The following NRXN1 variants were observed in gnomAD, a reference collection of about 807,000 sequenced individuals.
The protein encoded by NRXN1 is neurexin-1.
In NRXN1, 39 loss-of-function variants were observed where a neutral mutation model predicts 150.9. That is an observed-to-expected ratio of 0.26 (90% CI 0.20 to 0.34). The LOEUF (loss-of-function observed/expected upper bound fraction) is 0.34, where lower values mean the gene tolerates loss of function less well. NRXN1 is among the 10% of genes least tolerant of loss of function. The pLI is 1.00. For missense variants in NRXN1, 1,815 were observed against 1,949.9 expected, an observed-to-expected ratio of 0.93 and a Z score of 1.30; for synonymous variants, 924 against 757.0, an observed-to-expected ratio of 1.22 and a Z score of -3.62.
intron 19 of NRXN1, among the ~76,000 whole-genome samples, chr2:50,085,700 T>A (rs1372395091): frequency 7.4e-6 from 1 of 134,388 alleles, no homozygotes; most frequent in Non-Finnish European, 1.6e-5. Flanking sequence ...ATAAATTCTA[T>A]GGTTATTATA....
At chr2:50,193,093 C>T (rs927424502) in intron 18 of NRXN1, among the ~76,000 whole-genome samples, 1 of 152,132 alleles carries the variant, frequency 6.6e-6, no homozygotes, top group African/African-American at 2.4e-5. Flanking sequence ...TATTCTTGCA[C>T]AATAGTATTG....
chr2:50,531,474 C>T (rs201210484), intron 10 of NRXN1, 44 bp from the exon 11 acceptor site: 33 of 1,407,080 alleles, frequency 2.3e-5, no homozygotes, highest in Middle Eastern at 3.5e-4. Flanking sequence ...GATGGTATAG[C>T]GCATTAATAC....
chr2:50,101,626 G>A (rs998323521), intron 18 of NRXN1, among the ~76,000 whole-genome samples: 24 of 152,034 alleles, frequency 1.6e-4, no homozygotes, highest in Admixed American at 1.1e-3. Context: ...ATGAACCTTC[G>A]TATTTTAGAA....
intron 18 of NRXN1, among the ~76,000 whole-genome samples, chr2:50,192,024 T>C (rs2061478307): frequency 6.6e-6 from 1 of 152,164 alleles, no homozygotes. Flanking sequence ...ATAAAGTTTT[T>C]TTTTAAGTCC....
intron 15 of NRXN1, among the ~76,000 whole-genome samples, chr2:50,495,284 T>C (rs988250413): frequency 1.3e-5 from 2 of 151,950 alleles, no homozygotes; most frequent in African/African-American, 4.8e-5. Flanking sequence ...AGAAATGAAG[T>C]ATCAATAAGG....
chr2:50,445,101 C>G (rs1349997314), intron 17 of NRXN1, among the ~76,000 whole-genome samples: 2 of 152,078 alleles, frequency 1.3e-5, no homozygotes, highest in African/African-American at 2.4e-5. Context: ...ACATTTTACC[C>G]CACTAAGTTC....
At chr2:50,947,143 T>C (rs1433377918) in intron 2 of NRXN1, among the ~76,000 whole-genome samples, 3 of 152,148 alleles carry the variant, frequency 2.0e-5, no homozygotes, top group South Asian at 4.1e-4. Flanking sequence ...TGTCCAGTCA[T>C]GTATTTTGAT....
chr2:50,303,034 G>A (rs991312435), intron 17 of NRXN1, among the ~76,000 whole-genome samples: 2 of 152,046 alleles, frequency 1.3e-5, no homozygotes, highest in Non-Finnish European at 2.9e-5. Context: ...AAGTCCAAAA[G>A]GACCTTCCGA....
chr2:50,400,899 C>G (rs906776866), intron 17 of NRXN1, among the ~76,000 whole-genome samples: 1 of 152,048 alleles, frequency 6.6e-6, no homozygotes, highest in South Asian at 2.1e-4. Context: ...TTTCACACAC[C>G]TGGGTTGATG....
intron 18 of NRXN1, among the ~76,000 whole-genome samples, chr2:50,216,088 G>T (rs992877063): frequency 2.6e-5 from 4 of 152,010 alleles, no homozygotes; most frequent in African/African-American, 9.7e-5. Flanking sequence ...TGATACAGTG[G>T]CTCATGTCTG....
At chr2:50,820,221 C>T (rs1469110631) in intron 5 of NRXN1, among the ~76,000 whole-genome samples, 5 of 152,032 alleles carry the variant, frequency 3.3e-5, no homozygotes, top group Non-Finnish European at 7.4e-5. Flanking sequence ...AACTTACTAT[C>T]CTTTCTATTG....
chr2:50,298,774 G>A (rs1056676784), intron 17 of NRXN1, among the ~76,000 whole-genome samples: 1 of 152,106 alleles, frequency 6.6e-6, no homozygotes, highest in Non-Finnish European at 1.5e-5. Flanking sequence ...TTTGTGAAAT[G>A]CATGTAGCTT....
intron 2 of NRXN1, among the ~76,000 whole-genome samples, chr2:51,024,924 C>CAG (rs369896501): frequency 1.3e-5 from 2 of 152,150 alleles, no homozygotes; most frequent in East Asian, 3.9e-4. Flanking sequence ...TGGCTACAGG[C>CAG]AGAGCTTTGT....
chr2:50,902,533 T>C (rs1400887488), intron 5 of NRXN1, among the ~76,000 whole-genome samples: 1 of 152,216 alleles, frequency 6.6e-6, no homozygotes, highest in African/African-American at 2.4e-5. Context: ...GTTAATTTTG[T>C]TTTCTAATTC....
chr2:50,512,590 T>C (rs1357051814), intron 12 of NRXN1, among the ~76,000 whole-genome samples: 1 of 152,176 alleles, frequency 6.6e-6, no homozygotes, highest in Non-Finnish European at 1.5e-5. Flanking sequence ...GACATCTCCA[T>C]GGGAGGTTAG....
chr2:50,401,168 C>A (rs1336943339), intron 17 of NRXN1, among the ~76,000 whole-genome samples: 1 of 152,126 alleles, frequency 6.6e-6, no homozygotes, highest in Non-Finnish European at 1.5e-5. Flanking sequence ...TTGTTTAGGC[C>A]TTCAGGTTCC....
chr2:50,093,790 A>G (rs1699882474), intron 18 of NRXN1, among the ~76,000 whole-genome samples: 1 of 152,144 alleles, frequency 6.6e-6, no homozygotes, highest in Non-Finnish European at 1.5e-5. Context: ...TCTTCATTTT[A>G]CAGATGAGAA....
Position 50,249,403 on chromosome 2 carries a change from A to C in NRXN1, c.3365-12433T>G, listed in dbSNP as rs183279513. ...TTTGACACAAACAAACAAATCAACA[A>C]AAAACAATGCGGAGACAACAGCAGA... On this transcript the variant is annotated intron_variant, in intron 17 of 22. Transcript: ENST00000401669. Among the ~76,000 whole-genome samples the C allele has an allele frequency of 2.0e-5, 3 of 152,266 alleles. 1 individual carries two copies. The highest frequency in any genetic ancestry group is 7.2e-5 in the African/African-American group (3 of 41,568).
intron 5 of NRXN1, among the ~76,000 whole-genome samples, chr2:50,839,579 T>C (rs556332121): frequency 1.4e-4 from 21 of 152,244 alleles, no homozygotes; most frequent in South Asian, 1.2e-3. Flanking sequence ...CATCTTTGCA[T>C]CTCTAGCATC....
Sources: gnomAD v4.1 joint callset for allele counts (sites outside exome capture counted in the v4.1 genomes callset) on GRCh38, gnomAD v4.1.1 for gene constraint, MANE v1.5 for transcripts, NCBI Gene and HGNC (gene_info 2026-07-23, HGNC 2026-07-21) for gene names.